The following TLK2 variants were observed in gnomAD, a reference collection of about 807,000 sequenced individuals.
TLK2 encodes the protein tousled like kinase 2, also known as serine/threonine-protein kinase tousled-like 2.
A neutral mutation model predicts 117.3 loss-of-function variants in TLK2; 6 were observed. That is an observed-to-expected ratio of 0.05 (90% CI 0.03 to 0.10). The LOEUF (loss-of-function observed/expected upper bound fraction) is 0.10. Among genes scored for constraint, TLK2 ranks in the 10% least tolerant of loss-of-function variants. The pLI is 1.00. For synonymous variants in TLK2, 257 were observed against 316.7 expected (o/e 0.81, Z 2.00); for missense variants, 299 against 901.2 (o/e 0.33, Z 8.56).
At chr17:62,506,247 G>C (rs1327709198) in intron 2 of TLK2, among the ~76,000 whole-genome samples, 7 of 152,338 alleles carry the variant, frequency 4.6e-5, no homozygotes, top group Middle Eastern at 3.4e-3. Flanking sequence ...TCTCCAGACA[G>C]ATAGGTAGAA....
intron 1 of TLK2, among the ~76,000 whole-genome samples, chr17:62,473,266 A>G (rs1470153962): frequency 6.6e-6 from 1 of 152,094 alleles, no homozygotes; most frequent in East Asian, 1.9e-4. Context: ...TGGTGACTTC[A>G]TCTTCTATCT....
chr17:62,576,202 G>A lies in TLK2; in HGVS notation c.1122-507G>A, dbSNP rs1056217817. 4.6e-5 allele frequency among the ~76,000 whole-genome samples: 7 copies of A among 152,198 alleles called. No individual in the cohort carries two copies. The South Asian group carries it at 8.3e-4, about 18-fold the overall frequency. ...AGTTAAAGAGGTTAAATTTGCTTGC[G>A]CAAGGTCACATGGCCAGTAGCTTAG... On this transcript the variant is annotated intron_variant, in intron 12 of 21. Coordinates refer to ENST00000346027, the MANE Select transcript of TLK2 (RefSeq NM_006852.6).
chr17:62,595,686 C>T (rs542872698), intron 16 of TLK2, among the ~76,000 whole-genome samples: 73 of 151,922 alleles, frequency 4.8e-4, no homozygotes, highest in African/African-American at 1.7e-3. Flanking sequence ...GTATCAAATT[C>T]GCCATTCTAA....
chr17:62,481,024 C>A (rs1344977385), intron 1 of TLK2, 97 bp from the exon 2 acceptor site: 4 of 1,133,418 alleles, frequency 3.5e-6, no homozygotes, highest in South Asian at 1.3e-5. Flanking sequence ...TGCATTTGAT[C>A]TTTCAGTGAA....
chr17:62,545,045 A>G (rs2077799545), intron 7 of TLK2, among the ~76,000 whole-genome samples: 1 of 152,140 alleles, frequency 6.6e-6, no homozygotes, highest in Non-Finnish European at 1.5e-5. Context: ...TTGATCTGTC[A>G]TGATGGAGTC....
chr17:62,472,919 A>C (rs1296156610), intron 1 of TLK2, among the ~76,000 whole-genome samples: 2 of 152,182 alleles, frequency 1.3e-5, no homozygotes, highest in African/African-American at 4.8e-5. Flanking sequence ...TGTAATTCAG[A>C]AACAGTGGCT....
intron 1 of TLK2, among the ~76,000 whole-genome samples, chr17:62,479,602 C>T (rs1020951680): frequency 2.0e-5 from 3 of 152,148 alleles, no homozygotes; most frequent in African/African-American, 7.2e-5. Context: ...GCCCTCCCTT[C>T]CTCCGTGACA....
At chr17:62,539,053 T>C (rs1320849896) in intron 7 of TLK2, among the ~76,000 whole-genome samples, 1 of 152,200 alleles carries the variant, frequency 6.6e-6, no homozygotes, top group African/African-American at 2.4e-5. Flanking sequence ...AGTTTGATAG[T>C]TCTTGGTGTA....
chr17:62,574,276 G>C lies in TLK2; in HGVS notation c.1121+909G>C. ...ACCAATCCTCACCCCATACATATCTGATGTTTTGGGAAGTCTCTTCCTTGA... is the reference window on the plus strand; with the variant it reads ...ACCAATCCTCACCCCATACATATCTCATGTTTTGGGAAGTCTCTTCCTTGA... On this transcript the variant is annotated intron_variant, in intron 12 of 21. Coordinates refer to ENST00000346027, the MANE Select transcript of TLK2 (RefSeq NM_006852.6). 7 of 1,528,910 alleles carry C rather than the reference G, an allele frequency of 4.6e-6. No individual in the cohort carries two copies. In the South Asian group the frequency reaches 8.5e-5, roughly 18 times the overall value. The allele number at this position is 1,528,910 out of a possible 1,614,324, so 94.7% of individuals were successfully genotyped here. A position where few individuals can be genotyped will look rare whatever the true frequency, so the allele number is the denominator to read the frequency against.
upstream of TLK2, chr17:62,478,096 T>G (rs1476977639): frequency 6.6e-6 from 1 of 151,252 alleles, no homozygotes; most frequent in Non-Finnish European, 1.5e-5. Flanking sequence ...GTGGAGGGAG[T>G]GCAGCCCGCC....
At chr17:62,564,190 GCC>G (rs1214786997) in intron 10 of TLK2, among the ~76,000 whole-genome samples, 2 of 151,970 alleles carry the variant, frequency 1.3e-5, no homozygotes, top group Non-Finnish European at 2.9e-5. Flanking sequence ...ATCACTTGAG[GCC>G]AGGAATTCAA....
At chr17:62,512,066 G>A (rs768764255) in intron 2 of TLK2, among the ~76,000 whole-genome samples, 89 of 152,258 alleles carry the variant, frequency 5.8e-4, no homozygotes, top group South Asian at 1.2e-3. Context: ...ATCCTTGACA[G>A]TGTTTAGCGT....
At chr17:62,601,286 A>T (rs1467898354) in intron 18 of TLK2, among the ~76,000 whole-genome samples, 1 of 152,204 alleles carries the variant, frequency 6.6e-6, no homozygotes, top group Non-Finnish European at 1.5e-5. Context: ...ATCAGCAAAG[A>T]GTACAGGGCA....
intron 6 of TLK2, 27 bp from the exon 7 acceptor site, chr17:62,536,143 T>G: frequency 6.2e-7 from 1 of 1,602,266 alleles, no homozygotes; most frequent in African/African-American, 1.3e-5. Context: ...TCTCATGTCA[T>G]TTGTGTGTTT....
Position 62,582,179 on chromosome 17 carries a change from A to T in TLK2, c.1368+1987A>T, listed in dbSNP as rs187058078. Among the ~76,000 whole-genome samples the T allele has an allele frequency of 4.6e-5, 7 of 151,878 alleles. No homozygotes were observed. In the East Asian group the frequency reaches 1.4e-3, roughly 29 times the overall value. On this transcript the variant is annotated intron_variant, in intron 15 of 21. Coordinates refer to ENST00000346027, the MANE Select transcript of TLK2 (RefSeq NM_006852.6). ...CTTCTACAACTATTGATATATTCAG[A>T]TTTTCTCTCCCTTCTTAAGTCAGTT... is the stretch of plus-strand genomic sequence containing the variant.
intron 2 of TLK2, among the ~76,000 whole-genome samples, chr17:62,518,861 C>T (rs1156758326): frequency 1.3e-5 from 2 of 151,920 alleles, no homozygotes; most frequent in African/African-American, 4.8e-5. Context: ...AAGTAATAAA[C>T]ATGTTTTTAT....
At chr17:62,485,450 A>G (rs2072228922) in intron 2 of TLK2, among the ~76,000 whole-genome samples, 1 of 152,196 alleles carries the variant, frequency 6.6e-6, no homozygotes, top group Non-Finnish European at 1.5e-5. Flanking sequence ...ACTTATATTT[A>G]AGTTGCTCAT....
chr17:62,528,578 G>C lies in TLK2; in HGVS notation c.363+4247G>C, dbSNP rs375671188. 1.1e-4 allele frequency among the ~76,000 whole-genome samples: 17 copies of C among 152,060 alleles called. No homozygotes were observed. In the South Asian group the frequency reaches 3.5e-3, roughly 32 times the overall value. ...ACTACAGGTGTGCACCACCACGCCT[G>C]GCTAATTTTTGTGTTTTTAGTAGAC... On this transcript the variant is annotated intron_variant, in intron 6 of 21. Coordinates refer to ENST00000346027, the MANE Select transcript of TLK2 (RefSeq NM_006852.6).
At chr17:62,514,148 A>AT (rs750088077) in intron 2 of TLK2, among the ~76,000 whole-genome samples, 8,160 of 144,750 alleles carry the variant, frequency 0.056, 273 homozygotes, top group Non-Finnish European at 0.082. Context: ...ATAAATAATA[A>AT]TTTTTTTTTT....
Sources: allele counts gnomAD v4.1 joint callset (sites outside exome capture counted in the v4.1 genomes callset), GRCh38; gene constraint gnomAD v4.1.1; transcripts MANE v1.5; gene names NCBI Gene and HGNC (gene_info 2026-07-23, HGNC 2026-07-21).